The following CSMD1 variants were observed in gnomAD, a reference collection of about 807,000 sequenced individuals.
The protein encoded by CSMD1 is CUB and sushi domain-containing protein 1.
In CSMD1, 213 loss-of-function variants were observed where a neutral mutation model predicts 417.5. The ratio of observed to expected loss-of-function variants is 0.51; its 90% CI spans 0.46 to 0.57. The LOEUF is 0.57. Ranked by LOEUF, CSMD1 falls within the 20% of genes least tolerant of loss-of-function variation. CSMD1 has a pLI of 0.00. For missense variants in CSMD1, 6,923 were observed against 4,529.7 expected (o/e 1.53, Z -15.17); for synonymous variants, 2,862 against 1,736.8 (o/e 1.65, Z -16.11).
intron 26 of CSMD1, among the ~76,000 whole-genome samples, chr8:3,248,147 G>A (rs1563183595): frequency 6.6e-6 from 1 of 152,162 alleles, no homozygotes; most frequent in Non-Finnish European, 1.5e-5. Flanking sequence ...GGGCAAAATA[G>A]TGAGATGTAG....
chr8:3,126,580 G>C (rs937058767), intron 41 of CSMD1, among the ~76,000 whole-genome samples: 1 of 152,152 alleles, frequency 6.6e-6, no homozygotes, highest in Non-Finnish European at 1.5e-5. Flanking sequence ...AATTTCCCAA[G>C]TGCACACATA....
chr8:4,063,061 ATGAG>A (rs1799062765), intron 3 of CSMD1, among the ~76,000 whole-genome samples: 2 of 152,192 alleles, frequency 1.3e-5, no homozygotes, highest in Admixed American at 1.3e-4. Context: ...GGATAAATAT[ATGAG>A]AGAGAAGAAA....
intron 42 of CSMD1, among the ~76,000 whole-genome samples, chr8:3,116,702 G>C (rs1484696324): frequency 1.3e-5 from 2 of 152,206 alleles, no homozygotes; most frequent in East Asian, 3.9e-4. Flanking sequence ...TTTCCATATT[G>C]AAAAACAAAG....
chr8:3,356,424 C>G (rs1251101948), intron 21 of CSMD1, among the ~76,000 whole-genome samples: 6 of 152,216 alleles, frequency 3.9e-5, no homozygotes, highest in Admixed American at 3.9e-4. Flanking sequence ...CGCCTGTAAT[C>G]CCAGCACTTT....
intron 2 of CSMD1, among the ~76,000 whole-genome samples, chr8:4,531,113 G>C (rs1024166616): frequency 1.3e-5 from 2 of 152,122 alleles, no homozygotes; most frequent in Non-Finnish European, 2.9e-5. Flanking sequence ...ATCGCGAGTA[G>C]AATACAGATA....
intron 3 of CSMD1, among the ~76,000 whole-genome samples, chr8:4,306,167 A>G (rs1563424591): frequency 6.6e-6 from 1 of 152,194 alleles, no homozygotes; most frequent in Non-Finnish European, 1.5e-5. Flanking sequence ...TACTGGTTTA[A>G]AACACGCTGA....
At chr8:4,952,162 C>T (rs1342286415) in intron 1 of CSMD1, among the ~76,000 whole-genome samples, 3 of 151,830 alleles carry the variant, frequency 2.0e-5, no homozygotes, top group Admixed American at 2.0e-4. Flanking sequence ...AAAATTATCA[C>T]ACACACCTCT....
intron 41 of CSMD1, among the ~76,000 whole-genome samples, chr8:3,124,616 G>C (rs927402664): frequency 6.6e-6 from 1 of 152,096 alleles, no homozygotes; most frequent in Non-Finnish European, 1.5e-5. Context: ...TTCTCCTAAA[G>C]TGTGTGCCCC....
chr8:4,882,243 C>A (rs1309426182), intron 1 of CSMD1, among the ~76,000 whole-genome samples: 2 of 151,828 alleles, frequency 1.3e-5, no homozygotes, highest in African/African-American at 4.8e-5. Context: ...CCTCTACGTG[C>A]CCTGAGGGTG....
rs560078862 is a variant in CSMD1, at chr8:4,136,695, G to A, written c.416-104596C>T. On this transcript the variant is annotated intron_variant, in intron 3 of 69. Coordinates refer to ENST00000635120, the MANE Select transcript of CSMD1 (RefSeq NM_033225.6). ...CACAAGTGTGCTGTGAGTCTTCAGA[G>A]ACTACGTAACATCTTATGTAGCCAT... 2.0e-5 allele frequency among the ~76,000 whole-genome samples: 3 copies of A among 152,252 alleles called. No homozygotes were observed. In the East Asian group the frequency reaches 5.8e-4, roughly 29 times the overall value.
At chr8:4,309,655 C>G (rs1490133175) in intron 3 of CSMD1, among the ~76,000 whole-genome samples, 2 of 152,196 alleles carry the variant, frequency 1.3e-5, no homozygotes, top group Admixed American at 1.3e-4. Flanking sequence ...TGAAATTAGA[C>G]CGTATTTGAG....
chr8:3,088,828 G>A (rs1814720378), intron 48 of CSMD1, among the ~76,000 whole-genome samples: 1 of 123,428 alleles, frequency 8.1e-6, no homozygotes, highest in South Asian at 2.5e-4. Flanking sequence ...CAATGGCTTG[G>A]AATCACTGTG....
intron 40 of CSMD1, among the ~76,000 whole-genome samples, chr8:3,143,977 A>C (rs1818675480): frequency 6.6e-6 from 1 of 152,206 alleles, no homozygotes; most frequent in Non-Finnish European, 1.5e-5. Context: ...TCTCTCAACA[A>C]AATTTAAAGT....
intron 10 of CSMD1, among the ~76,000 whole-genome samples, chr8:3,524,700 GCA>G (rs984117968): frequency 2.8e-5 from 4 of 143,956 alleles, no homozygotes; most frequent in African/African-American, 1.0e-4. Flanking sequence ...AAAGAGACGT[GCA>G]CACACAAGCA....
intron 3 of CSMD1, among the ~76,000 whole-genome samples, chr8:4,043,260 G>C (rs1797984776): frequency 6.6e-6 from 1 of 152,078 alleles, no homozygotes; most frequent in Admixed American, 6.6e-5. Flanking sequence ...GGCTAGCATA[G>C]GAGATAAAAC....
At chr8:3,714,422 A>C (rs779812003) in intron 6 of CSMD1, among the ~76,000 whole-genome samples, 6 of 151,486 alleles carry the variant, frequency 4.0e-5, no homozygotes, top group African/African-American at 2.4e-5. Flanking sequence ...TTGGGAAAAC[A>C]GTGTATTTAG....
At chr8:4,093,683 G>A (rs1160758477) in intron 3 of CSMD1, among the ~76,000 whole-genome samples, 1 of 152,152 alleles carries the variant, frequency 6.6e-6, no homozygotes, top group East Asian at 1.9e-4. Flanking sequence ...CAGAACGGCC[G>A]GGTGCAGAGG....
intron 1 of CSMD1, among the ~76,000 whole-genome samples, chr8:4,675,079 C>T (rs1465905151): frequency 1.3e-5 from 2 of 152,174 alleles, no homozygotes; most frequent in Non-Finnish European, 2.9e-5. Context: ...GGAATAAATT[C>T]TTGTTGTTTA....
chr8:3,743,142 T>G (rs552544396), intron 6 of CSMD1, among the ~76,000 whole-genome samples: 19 of 152,222 alleles, frequency 1.2e-4, no homozygotes, highest in Non-Finnish European at 2.4e-4. Flanking sequence ...GTCATGAAGG[T>G]CTTCAGGCTC....
Sources: allele counts gnomAD v4.1 joint callset (sites outside exome capture counted in the v4.1 genomes callset), GRCh38; gene constraint gnomAD v4.1.1; transcripts MANE v1.5; gene names NCBI Gene and HGNC (gene_info 2026-07-23, HGNC 2026-07-21).